Variants in TTC9 observed in about 807,000 individuals in gnomAD.
TTC9 encodes tetratricopeptide repeat protein 9A.
TTC9 carries 13 observed loss-of-function variants against 22.9 expected under a neutral mutation model. The observed-to-expected ratio is 0.57, with a 90% CI of 0.37 to 0.90. TTC9 has a LOEUF of 0.90. TTC9 is among the 40% of genes least tolerant of loss of function. The pLI, the probability that TTC9 is intolerant of heterozygous loss-of-function variation, is 0.01. For synonymous variants in TTC9, 148 were observed against 133.2 expected (o/e 1.11, Z -0.77); for missense variants, 280 against 291.8 (o/e 0.96, Z 0.29).
intron 1 of TTC9, among the ~76,000 whole-genome samples, chr14:70,650,073 A>G (rs1885961480): frequency 6.6e-6 from 1 of 152,116 alleles, no homozygotes; most frequent in African/African-American, 2.4e-5. Context: ...AATTCCAGTT[A>G]AGAGGTCTTG....
chr14:70,642,583 GGT>G (rs1566693284), intron 1 of TTC9, 48 bp downstream of exon 1: 11 of 1,464,698 alleles, frequency 7.5e-6, no homozygotes, highest in South Asian at 1.3e-5. Flanking sequence ...TCTTCGGCCC[GGT>G]CCCTCCGCGG....
chr14:70,651,980 G>A (rs2139642136), intron 1 of TTC9, among the ~76,000 whole-genome samples: 1 of 152,042 alleles, frequency 6.6e-6, no homozygotes, highest in South Asian at 2.1e-4. Flanking sequence ...AATACATGGA[G>A]TGGGGACAGT....
Position 70,644,789 on chromosome 14 carries a change from A to G in TTC9, c.406+2254A>G, listed in dbSNP as rs555847465. 2.0e-5 allele frequency among the ~76,000 whole-genome samples: 3 copies of G among 152,360 alleles called. No individual in the cohort carries two copies. The South Asian group carries it at 6.2e-4, about 32-fold the overall frequency. On this transcript the variant is annotated intron_variant, in intron 1 of 2. Transcript: ENST00000256367. ...AAGCAAAGCAATTTTGTCAAAGCCA[A>G]AATTCAGCTAGGAGGATGGTTCAAC... is the stretch of plus-strand genomic sequence containing the variant.
Position 70,667,964 on chromosome 14 carries a change from T to C in TTC9, c.589+218T>C, listed in dbSNP as rs558343867. Among the ~76,000 whole-genome samples the C allele has an allele frequency of 3.3e-5, 5 of 152,316 alleles. No homozygotes were observed. The East Asian group carries it at 7.7e-4, about 23-fold the overall frequency. The stretch of plus-strand genomic sequence containing the variant: ...AGCACAGGCCCCTCTTCTCTTCAAA[T>C]AGAGTATAGAATTCCTCATCTTTTT... On this transcript the variant is annotated intron_variant, in intron 2 of 2. Transcript: ENST00000256367.
intron 1 of TTC9, among the ~76,000 whole-genome samples, chr14:70,663,391 C>T (rs1594740362): frequency 6.6e-6 from 1 of 152,180 alleles, no homozygotes. Flanking sequence ...TTTTGGTTGT[C>T]ACAAGTGGCA....
intron 1 of TTC9, among the ~76,000 whole-genome samples, chr14:70,652,984 T>TGAAATAATGGAA (rs1886007913): frequency 6.6e-6 from 1 of 152,254 alleles, no homozygotes; most frequent in South Asian, 2.1e-4. Context: ...AACAGGTCTT[T>TGAAATAATGGAA]ACATAGTGAA....
intron 1 of TTC9, among the ~76,000 whole-genome samples, chr14:70,661,856 G>C (rs554156782): frequency 6.6e-6 from 1 of 152,166 alleles, no homozygotes; most frequent in Non-Finnish European, 1.5e-5. Context: ...GCCTAAGGCT[G>C]GCAGTGGAGG....
chr14:70,660,623 C>T (rs150566003), intron 1 of TTC9, among the ~76,000 whole-genome samples: 5 of 152,302 alleles, frequency 3.3e-5, no homozygotes, highest in Non-Finnish European at 5.9e-5. Flanking sequence ...TCATATAACT[C>T]GCCCTCGGGC....
chr14:70,666,198 T>G (rs1343128319), intron 1 of TTC9, among the ~76,000 whole-genome samples: 1 of 152,162 alleles, frequency 6.6e-6, no homozygotes, highest in Non-Finnish European at 1.5e-5. Context: ...CCTCCAGGCG[T>G]GTCATCACTC....
intron 1 of TTC9, among the ~76,000 whole-genome samples, chr14:70,656,322 T>C (rs1886066974): frequency 6.6e-6 from 1 of 152,158 alleles, no homozygotes. Context: ...AGTGTTTTCA[T>C]TGAAAATATT....
chr14:70,667,893 G>A, intron 2 of TTC9, 147 bp downstream of exon 2: 1 of 760,368 alleles, frequency 1.3e-6, no homozygotes, highest in Non-Finnish European at 2.1e-6. Flanking sequence ...TAAGACCTAA[G>A]AGGAGCACAC....
chr14:70,667,351 CA>C (rs1260565719), intron 1 of TTC9, among the ~76,000 whole-genome samples: 1 of 152,200 alleles, frequency 6.6e-6, no homozygotes, highest in Non-Finnish European at 1.5e-5. Flanking sequence ...ACCCATAATA[CA>C]AGGTTAAGTG....
Position 70,655,383 on chromosome 14 carries a change from G to C in TTC9, c.407-12181G>C, listed in dbSNP as rs968295481. On this transcript the variant is annotated intron_variant, in intron 1 of 2. Coordinates refer to ENST00000256367, the MANE Select transcript of TTC9 (RefSeq NM_015351.2). ...CTCTCCAAGCGTCGCTTGGGCGACAGAGCGAGACTCCATCTCAAGAAACAA... is the reference window on the plus strand; with the variant it reads ...CTCTCCAAGCGTCGCTTGGGCGACACAGCGAGACTCCATCTCAAGAAACAA... Among the ~76,000 whole-genome samples, 6 of 151,552 alleles carry C rather than the reference G, an allele frequency of 4.0e-5. No homozygotes were observed. In the East Asian group the frequency reaches 7.7e-4, roughly 20 times the overall value.
intron 1 of TTC9, among the ~76,000 whole-genome samples, chr14:70,666,583 A>G (rs1161134239): frequency 6.6e-6 from 1 of 152,106 alleles, no homozygotes; most frequent in Non-Finnish European, 1.5e-5. Flanking sequence ...TATGGCCATT[A>G]TTTTATATAA....
intron 1 of TTC9, among the ~76,000 whole-genome samples, chr14:70,656,164 CAGA>C (rs1190479043): frequency 1.3e-5 from 2 of 151,806 alleles, no homozygotes; most frequent in Admixed American, 1.3e-4. Context: ...TTCACCCATA[CAGA>C]AGGAGCAGAA....
chr14:70,670,514 T>G (rs1283006645), intron 2 of TTC9, among the ~76,000 whole-genome samples: 1 of 152,038 alleles, frequency 6.6e-6, no homozygotes, highest in African/African-American at 2.4e-5. Context: ...AAGAATTAGC[T>G]GGGCGCAGTG....
At chr14:70,650,261 A>G (rs1594735801) in intron 1 of TTC9, among the ~76,000 whole-genome samples, 2 of 152,220 alleles carry the variant, frequency 1.3e-5, no homozygotes, top group South Asian at 4.1e-4. Flanking sequence ...TGTCTCTACT[A>G]AAAATACAAA....
chr14:70,668,849 TAAA>T (rs796950135), intron 2 of TTC9, among the ~76,000 whole-genome samples: 2 of 91,170 alleles, frequency 2.2e-5, no homozygotes, highest in African/African-American at 4.1e-5. Flanking sequence ...AGACCTTGTC[TAAA>T]AAAAAAAAAA....
intron 1 of TTC9, among the ~76,000 whole-genome samples, chr14:70,657,682 T>G (rs371722648): frequency 2.8e-4 from 42 of 152,082 alleles, no homozygotes; most frequent in East Asian, 1.2e-3. Flanking sequence ...CGGCTACTTG[T>G]GGGCCAGACA....
Sources: allele counts gnomAD v4.1 joint callset (sites outside exome capture counted in the v4.1 genomes callset), GRCh38; gene constraint gnomAD v4.1.1; transcripts MANE v1.5; gene names NCBI Gene and HGNC (gene_info 2026-07-23, HGNC 2026-07-21).